Variants in NPHP4 observed in about 807,000 individuals in gnomAD.
The protein encoded by NPHP4 is nephrocystin 4.
A neutral mutation model predicts 155.8 loss-of-function variants in NPHP4; 151 were observed. The ratio of observed to expected loss-of-function variants is 0.97; its 90% CI spans 0.85 to 1.11. The LOEUF (loss-of-function observed/expected upper bound fraction) is 1.11, where lower values mean the gene tolerates loss of function less well. NPHP4 is among the 50% of genes least tolerant of loss of function. The pLI is 0.00. For synonymous variants in NPHP4, 845 were observed against 816.8 expected, an observed-to-expected ratio of 1.03 and a Z score of -0.59; for missense variants, 1,956 against 1,925.7, an observed-to-expected ratio of 1.02 and a Z score of -0.29.
At chr1:5,929,495 T>A (rs937742755) in intron 10 of NPHP4, among the ~76,000 whole-genome samples, 2 of 152,230 alleles carry the variant, frequency 1.3e-5, no homozygotes, top group African/African-American at 4.8e-5. Context: ...TTTGCTCAGT[T>A]TTTAATCATA....
At chr1:5,901,813 T>C (rs1383548714) in intron 16 of NPHP4, among the ~76,000 whole-genome samples, 1 of 152,204 alleles carries the variant, frequency 6.6e-6, no homozygotes, top group African/African-American at 2.4e-5. Context: ...TGCATTAGTC[T>C]GATCCATTTT....
chr1:5,905,630 A>G lies in NPHP4; in HGVS notation c.1763+2T>C. ...TCCATCCCACCCAGACCCACACCTC[A>G]CCTCCTGGTCTGGGTTCCCACAACA... On this transcript the variant is annotated splice_donor_variant, in intron 14 of 29. Coordinates refer to ENST00000378156, the MANE Select transcript of NPHP4 (RefSeq NM_015102.5). LOFTEE classifies it high-confidence loss of function. This position sits in a 1 kb window ranked among gnomAD's most constrained non-coding sequence, Gnocchi z 4.0. 2 of 1,613,408 alleles carry G rather than the reference A, an allele frequency of 1.2e-6. No individual in the cohort carries two copies. Among genetic ancestry groups the G allele is most frequent in the African/African-American group, 1.3e-5 (1 of 74,922 alleles).
intron 9 of NPHP4, among the ~76,000 whole-genome samples, chr1:5,942,011 G>A (rs956630956): frequency 6.6e-6 from 1 of 152,168 alleles, no homozygotes; most frequent in Admixed American, 6.5e-5. Flanking sequence ...TCTCCCCACA[G>A]ATCACTTATT....
chr1:5,878,618 T>C (rs1054550336), intron 19 of NPHP4, among the ~76,000 whole-genome samples: 1 of 152,204 alleles, frequency 6.6e-6, no homozygotes, highest in African/African-American at 2.4e-5. Context: ...CCTTGCCTCA[T>C]GGGTGAGACA....
intron 9 of NPHP4, among the ~76,000 whole-genome samples, chr1:5,940,327 C>A (rs1456125316): frequency 6.6e-6 from 1 of 152,122 alleles, no homozygotes; most frequent in African/African-American, 2.4e-5. Context: ...CAAGAAGGCC[C>A]TCACAAGATG....
At chr1:5,897,405 G>C (rs527683507) in intron 16 of NPHP4, among the ~76,000 whole-genome samples, 1 of 152,150 alleles carries the variant, frequency 6.6e-6, no homozygotes, top group Admixed American at 6.5e-5. Context: ...AATCAGCGTC[G>C]TAACAATGAG....
chr1:5,986,348 T>C, intron 1 of NPHP4, 21 bp from the exon 2 acceptor site: 2 of 1,594,748 alleles, frequency 1.3e-6, no homozygotes, highest in Admixed American at 1.7e-5. Context: ...CGTATTCAAA[T>C]AAAGAGAAGA....
intron 19 of NPHP4, chr1:5,879,376 T>A (rs1268678816): frequency 5.4e-6 from 2 of 371,716 alleles, no homozygotes; most frequent in Non-Finnish European, 1.1e-5. Flanking sequence ...CTTCAGAGCC[T>A]CCCTGCTGTG....
chr1:5,958,422 C>T (rs893581094), intron 6 of NPHP4, among the ~76,000 whole-genome samples: 10 of 152,136 alleles, frequency 6.6e-5, no homozygotes, highest in Admixed American at 6.6e-4. Context: ...AGGCCAGGCG[C>T]CATGGCTCAC....
At chr1:5,945,272 A>G (rs1187590621) in intron 9 of NPHP4, among the ~76,000 whole-genome samples, 8 of 148,738 alleles carry the variant, frequency 5.4e-5, no homozygotes, top group East Asian at 4.0e-4. Context: ...CCCTGAGGCC[A>G]TTTCTCCTCC....
At chr1:5,901,872 G>A (rs772427454) in intron 16 of NPHP4, among the ~76,000 whole-genome samples, 1 of 152,150 alleles carries the variant, frequency 6.6e-6, no homozygotes, top group Admixed American at 6.5e-5. Context: ...GGCCTCAGGA[G>A]GACTGAAAAA....
chr1:5,899,604 A>T (rs930512167), intron 16 of NPHP4, among the ~76,000 whole-genome samples: 6 of 152,230 alleles, frequency 3.9e-5, no homozygotes, highest in Non-Finnish European at 4.4e-5. Flanking sequence ...TACCTTTTAT[A>T]AAAATTAGCT....
chr1:5,869,093 GCA>G (rs754183590), intron 23 of NPHP4, among the ~76,000 whole-genome samples: 4 of 101,810 alleles, frequency 3.9e-5, no homozygotes, highest in South Asian at 7.0e-4. Flanking sequence ...ACCCACACAT[GCA>G]CACATGCATG....
intron 16 of NPHP4, among the ~76,000 whole-genome samples, chr1:5,893,444 C>A (rs964793620): frequency 9.9e-5 from 15 of 152,174 alleles, no homozygotes; most frequent in African/African-American, 3.1e-4. Context: ...ACCTTTCCTG[C>A]CTGGCAGCCC....
chr1:5,975,852 G>A (rs560066230), intron 3 of NPHP4, among the ~76,000 whole-genome samples: 2 of 152,288 alleles, frequency 1.3e-5, no homozygotes, highest in South Asian at 2.1e-4. Context: ...TCCAAAGATC[G>A]TCCTACCATG....
chr1:5,901,612 G>A (rs1644686524), intron 16 of NPHP4, among the ~76,000 whole-genome samples: 1 of 152,222 alleles, frequency 6.6e-6, no homozygotes, highest in South Asian at 2.1e-4. Flanking sequence ...ATGGAAAGGG[G>A]TTTATATTCA....
Position 5,905,359 on chromosome 1 carries a change from G to T in NPHP4, c.1888C>A (p.Pro630Thr), listed in dbSNP as rs996035797. 2 of 1,613,900 alleles carry T rather than the reference G, an allele frequency of 1.2e-6. No homozygotes were observed. Among genetic ancestry groups the T allele is most frequent in the Non-Finnish European group, 1.7e-6 (2 of 1,179,796 alleles). The change falls in exon 15 of 30, where the codon CCT becomes ACT. Residue 630 changes from proline (P) to threonine (T), a missense_variant. By Grantham distance (38) the Pro-to-Thr change is conservative (BLOSUM62 -1). Transcript: ENST00000378156. The surrounding 1 kb of genome is among the most constrained non-coding windows in gnomAD (Gnocchi z 4.0). The part of the protein sequence containing the change: ...VSATEPVTFN[P>T]QKEESDCLQS... ...AGACAATCTGATTCTTCCTTCTGAG[G>T]GTTAAACGTCACAGGTTCTGTAGCG... is the stretch of plus-strand genomic sequence containing the variant.
At chr1:5,888,018 G>A (rs1643910339) in intron 17 of NPHP4, among the ~76,000 whole-genome samples, 1 of 152,200 alleles carries the variant, frequency 6.6e-6, no homozygotes, top group Non-Finnish European at 1.5e-5. Context: ...CGTTTCCCTG[G>A]GCCAGGAAGC....
chr1:5,977,008 C>T (rs1194171291), intron 3 of NPHP4, among the ~76,000 whole-genome samples: 2 of 152,112 alleles, frequency 1.3e-5, no homozygotes, highest in South Asian at 2.1e-4. Flanking sequence ...CTCTTGGGGC[C>T]TCCTTCTATA....
Sources: gnomAD v4.1 joint callset for allele counts (sites outside exome capture counted in the v4.1 genomes callset) on GRCh38, gnomAD v4.1.1 for gene constraint, Gnocchi (gnomAD v3.1) non-coding constraint, MANE v1.5 for transcripts, NCBI Gene and HGNC (gene_info 2026-07-23, HGNC 2026-07-21) for gene names.